HOMER1: variants seen among roughly 807,000 people sequenced by gnomAD.
HOMER1 encodes homer scaffold protein 1.
A neutral mutation model predicts 48.9 loss-of-function variants in HOMER1; 3 were observed. That is an observed-to-expected ratio of 0.06 (90% confidence interval 0.03 to 0.16). The LOEUF (loss-of-function observed/expected upper bound fraction) is 0.16. HOMER1 is among the 10% of genes least tolerant of loss of function. HOMER1 has a pLI of 1.00. For synonymous variants in HOMER1, 134 were observed against 146.4 expected, an observed-to-expected ratio of 0.92 and a Z score of 0.61; for missense variants, 247 against 411.4, an observed-to-expected ratio of 0.60 and a Z score of 3.46.
chr5:79,486,094 G>C (rs968919496), intron 1 of HOMER1, among the ~76,000 whole-genome samples: 1 of 152,094 alleles, frequency 6.6e-6, no homozygotes, highest in African/African-American at 2.4e-5. Flanking sequence ...GAATCAAGAG[G>C]AATCAAGACC....
At chr5:79,460,046 G>T (rs1751275959) in intron 1 of HOMER1, among the ~76,000 whole-genome samples, 1 of 151,988 alleles carries the variant, frequency 6.6e-6, no homozygotes, top group East Asian at 1.9e-4. Flanking sequence ...TAACAGATAG[G>T]TTCTCACTAT....
chr5:79,491,353 C>G (rs1580026825), intron 1 of HOMER1, among the ~76,000 whole-genome samples: 1 of 142,986 alleles, frequency 7.0e-6, no homozygotes, highest in East Asian at 2.2e-4. Flanking sequence ...GGCAGAAGAT[C>G]ACTAAAGCCC....
chr5:79,504,407 A>G, intron 1 of HOMER1, among the ~76,000 whole-genome samples: 1 of 115,198 alleles, frequency 8.7e-6, no homozygotes, highest in South Asian at 2.4e-4. Flanking sequence ...ACAAAAGAAT[A>G]AGCAAAAAAA....
Position 79,501,037 on chromosome 5 carries a change from C to T in HOMER1, c.5+11733G>A, listed in dbSNP as rs559748398. Reference sequence around the variant, plus strand: ...CCAGGCTGCAGTGCAGTGGCAGGATCTCAGCTTACTGCATCCTCTGCCTCC... The same window carrying T: ...CCAGGCTGCAGTGCAGTGGCAGGATTTCAGCTTACTGCATCCTCTGCCTCC... On this transcript the variant is annotated intron_variant, in intron 1 of 8. Transcript: ENST00000334082. Among the ~76,000 whole-genome samples, 7 of 151,658 alleles carry T rather than the reference C, an allele frequency of 4.6e-5. No individual in the cohort carries two copies. In the South Asian group the frequency reaches 1.2e-3, roughly 27 times the overall value.
At position 79,497,059 on chromosome 5, in the gene HOMER1, C is replaced by CAAAAAA. The variant is rs5868996; in HGVS notation, c.5+15705_5+15710dup. On this transcript the variant is annotated intron_variant, in intron 1 of 8. Transcript: ENST00000334082. ...TGGGTAACAGAGTGAGACTTTGTCT[C>CAAAAAA]AAAAAAAAAAAAAAAAAAAAAAGGA... Among the ~76,000 whole-genome samples, 4 of 52,770 alleles carry CAAAAAA rather than the reference C, an allele frequency of 7.6e-5. No homozygotes were observed. In the Admixed American group the frequency reaches 9.4e-4, roughly 12 times the overall value. The allele number at this position is 52,770 out of a possible 152,430, so 34.6% of individuals were successfully genotyped here. A position where few individuals can be genotyped will look rare whatever the true frequency, so the allele number is the denominator to read the frequency against.
intron 8 of HOMER1, among the ~76,000 whole-genome samples, chr5:79,387,939 A>G (rs924250687): frequency 5.9e-5 from 9 of 152,244 alleles, no homozygotes; most frequent in Non-Finnish European, 1.0e-4. Flanking sequence ...ATTAGAAAAT[A>G]TAAGCACCAA....
chr5:79,452,218 T>C (rs1751048751), intron 2 of HOMER1, among the ~76,000 whole-genome samples: 2 of 152,208 alleles, frequency 1.3e-5, no homozygotes, highest in Admixed American at 1.3e-4. Context: ...TGCATACTCA[T>C]TTCTTTTCTC....
chr5:79,497,792 G>T (rs934423211), intron 1 of HOMER1, among the ~76,000 whole-genome samples: 2 of 151,906 alleles, frequency 1.3e-5, no homozygotes, highest in Non-Finnish European at 2.9e-5. Context: ...TGAAGCTTTT[G>T]AATGGACAAA....
intron 1 of HOMER1, among the ~76,000 whole-genome samples, chr5:79,470,634 T>A (rs867269704): frequency 8.1e-4 from 124 of 152,290 alleles, no homozygotes; most frequent in African/African-American, 2.9e-3. Context: ...GAGTTGTCTT[T>A]TTTTACCTGT....
intron 1 of HOMER1, among the ~76,000 whole-genome samples, chr5:79,503,886 G>A (rs951346815): frequency 2.0e-5 from 3 of 152,162 alleles, no homozygotes; most frequent in African/African-American, 7.2e-5. Flanking sequence ...TCTCAGGGGT[G>A]ACAGCAGTGG....
intron 1 of HOMER1, among the ~76,000 whole-genome samples, chr5:79,471,039 G>GA (rs951100278): frequency 4.5e-4 from 68 of 150,856 alleles, no homozygotes; most frequent in African/African-American, 1.0e-3. Flanking sequence ...AATACTCTAG[G>GA]AAAAAAAAAG....
chr5:79,454,473 A>G (rs982993646), intron 2 of HOMER1, among the ~76,000 whole-genome samples: 2 of 152,008 alleles, frequency 1.3e-5, no homozygotes, highest in African/African-American at 4.8e-5. Flanking sequence ...AACACTCTAG[A>G]GTCTCAGGTT....
At chr5:79,427,961 T>C (rs1240435814) in intron 5 of HOMER1, among the ~76,000 whole-genome samples, 1 of 152,144 alleles carries the variant, frequency 6.6e-6, no homozygotes, top group East Asian at 1.9e-4. Context: ...CTATAAGAGC[T>C]ACCTCACCTA....
intron 1 of HOMER1, among the ~76,000 whole-genome samples, chr5:79,468,410 T>TA (rs1751533874): frequency 1.3e-5 from 2 of 152,206 alleles, no homozygotes; most frequent in Non-Finnish European, 2.9e-5. Context: ...TAGTATTTTT[T>TA]TAAAAAATGT....
chr5:79,483,243 A>C lies in HOMER1; in HGVS notation c.6-26225T>G, dbSNP rs532380599. 2.6e-5 allele frequency among the ~76,000 whole-genome samples: 4 copies of C among 152,334 alleles called. No homozygotes were observed. The East Asian group carries it at 7.7e-4, about 29-fold the overall frequency. On this transcript the variant is annotated intron_variant, in intron 1 of 8. Coordinates refer to ENST00000334082, the MANE Select transcript of HOMER1 (RefSeq NM_004272.5). ...AAATAAGAATGGCAGTTGACTTCTCATTGGAAACAATGCAAACCAGAAGAA... is the reference window on the plus strand; with the variant it reads ...AAATAAGAATGGCAGTTGACTTCTCCTTGGAAACAATGCAAACCAGAAGAA...
At chr5:79,398,617 A>G (rs1227999051) in intron 6 of HOMER1, among the ~76,000 whole-genome samples, 1 of 152,032 alleles carries the variant, frequency 6.6e-6, no homozygotes, top group Non-Finnish European at 1.5e-5. Flanking sequence ...TTTTTTGTCT[A>G]TTCTGCAAAT....
chr5:79,388,582 A>G (rs1325707002), intron 8 of HOMER1, among the ~76,000 whole-genome samples: 2 of 152,144 alleles, frequency 1.3e-5, no homozygotes, highest in African/African-American at 4.8e-5. Flanking sequence ...GCATTTAAAA[A>G]CAAGTTTGAA....
chr5:79,492,935 T>A (rs200675279), intron 1 of HOMER1, among the ~76,000 whole-genome samples: 11,324 of 112,920 alleles, frequency 0.1, 1,190 homozygotes, highest in African/African-American at 0.3. Flanking sequence ...TTTTTTTTTT[T>A]AAAGACAGAG....
Position 79,379,385 on chromosome 5 carries a change from A to G in HOMER1, c.877-3188T>C, listed in dbSNP as rs1341135560. Among the ~76,000 whole-genome samples, 21 of 113,694 alleles carry G rather than the reference A, an allele frequency of 1.8e-4. No homozygotes were observed. In the East Asian group the frequency reaches 4.3e-3, roughly 23 times the overall value. 74.6% of individuals were successfully genotyped at this position (113,694 alleles called of 152,430 possible). ...ATATTTATATATATTTATATATTTT[A>G]TATATTATATAAATATTTATATATT... On this transcript the variant is annotated intron_variant, in intron 8 of 8. Transcript: ENST00000334082.
Sources: allele counts gnomAD v4.1 joint callset (sites outside exome capture counted in the v4.1 genomes callset), GRCh38; gene constraint gnomAD v4.1.1; transcripts MANE v1.5; gene names NCBI Gene and HGNC (gene_info 2026-07-23, HGNC 2026-07-21).